The following LSAMP variants were observed in gnomAD, a reference collection of about 807,000 sequenced individuals.
The protein encoded by LSAMP is limbic system associated membrane protein, also known as limbic system-associated membrane protein.
A neutral mutation model predicts 38.6 loss-of-function variants in LSAMP; 7 were observed. The ratio of observed to expected loss-of-function variants is 0.18; its 90% CI spans 0.10 to 0.34. The LOEUF (loss-of-function observed/expected upper bound fraction) is 0.34. Ranked by LOEUF, LSAMP falls within the 10% of genes least tolerant of loss-of-function variation. The pLI is 1.00. For missense variants in LSAMP, 313 were observed against 420.0 expected, an observed-to-expected ratio of 0.75 and a Z score of 2.23; for synonymous variants, 154 against 166.8, an observed-to-expected ratio of 0.92 and a Z score of 0.59.
chr3:116,262,088 C>A (rs1197772319), intron 1 of LSAMP, among the ~76,000 whole-genome samples: 1 of 151,914 alleles, frequency 6.6e-6, no homozygotes, highest in African/African-American at 2.4e-5. Flanking sequence ...ATTTTGTTTT[C>A]ATTTTTCCAA....
At chr3:115,854,275 TATTA>T (rs1212677866) in intron 3 of LSAMP, among the ~76,000 whole-genome samples, 4 of 120,222 alleles carry the variant, frequency 3.3e-5, no homozygotes, top group Admixed American at 8.4e-5. Context: ...TTATTATTAT[TATTA>T]TTATTTTTTT....
chr3:115,905,721 C>T (rs772760903), intron 3 of LSAMP, among the ~76,000 whole-genome samples: 2 of 151,994 alleles, frequency 1.3e-5, no homozygotes, highest in Non-Finnish European at 2.9e-5. Context: ...CTTATAAGGC[C>T]GATAAAAGAT....
intron 1 of LSAMP, among the ~76,000 whole-genome samples, chr3:116,126,194 A>T (rs1709004895): frequency 6.6e-6 from 1 of 152,208 alleles, no homozygotes; most frequent in Non-Finnish European, 1.5e-5. Context: ...AAACATCTGG[A>T]CCTCACACTG....
intron 1 of LSAMP, among the ~76,000 whole-genome samples, chr3:116,153,249 C>G (rs945722954): frequency 2.0e-5 from 3 of 152,060 alleles, no homozygotes; most frequent in African/African-American, 7.2e-5. Context: ...CCCCTATTAT[C>G]TTTTGGCTCA....
chr3:116,239,486 G>T (rs182880994), intron 1 of LSAMP, among the ~76,000 whole-genome samples: 1 of 152,128 alleles, frequency 6.6e-6, no homozygotes, highest in Non-Finnish European at 1.5e-5. Context: ...CCTGAACAGT[G>T]TTTGTAAGAC....
intron 1 of LSAMP, among the ~76,000 whole-genome samples, chr3:116,202,411 A>G (rs941938253): frequency 2.6e-5 from 4 of 151,754 alleles, no homozygotes; most frequent in African/African-American, 9.7e-5. Context: ...TGGGATTACA[A>G]GTGTGAGCCA....
chr3:116,392,475 C>T (rs780887801), intron 1 of LSAMP, among the ~76,000 whole-genome samples: 3 of 152,222 alleles, frequency 2.0e-5, no homozygotes, highest in Admixed American at 6.5e-5. Context: ...CAGCTCCCTG[C>T]CACCTCAGCC....
At chr3:116,166,707 A>C (rs1313254139) in intron 1 of LSAMP, among the ~76,000 whole-genome samples, 1 of 152,138 alleles carries the variant, frequency 6.6e-6, no homozygotes, top group Non-Finnish European at 1.5e-5. Context: ...ATCCATTTGC[A>C]GAATTTTATG....
chr3:116,269,568 A>AATTCTGTTCTG (rs2046942267), intron 1 of LSAMP, among the ~76,000 whole-genome samples: 1 of 151,948 alleles, frequency 6.6e-6, no homozygotes, highest in Non-Finnish European at 1.5e-5. Context: ...ATTCTGTTCT[A>AATTCTGTTCTG]TATTCAAGCT....
intron 1 of LSAMP, among the ~76,000 whole-genome samples, chr3:116,221,150 C>CAAA (rs71141862): frequency 9.4e-5 from 5 of 53,184 alleles, no homozygotes; most frequent in Non-Finnish European, 1.3e-4. Flanking sequence ...GACTCTGTCT[C>CAAA]AAAAAAAAAA....
intron 1 of LSAMP, among the ~76,000 whole-genome samples, chr3:116,151,506 A>G (rs1205431517): frequency 6.6e-6 from 1 of 152,054 alleles, no homozygotes; most frequent in South Asian, 2.1e-4. Context: ...GGGAGGCCAG[A>G]TACCTTTCTG....
At chr3:116,283,240 A>G (rs1404779062) in intron 1 of LSAMP, among the ~76,000 whole-genome samples, 2 of 152,210 alleles carry the variant, frequency 1.3e-5, no homozygotes, top group African/African-American at 4.8e-5. Context: ...GAAAGGAGGA[A>G]AAGTACCTAT....
intron 1 of LSAMP, among the ~76,000 whole-genome samples, chr3:116,322,017 A>T (rs1467545565): frequency 6.6e-6 from 1 of 152,224 alleles, no homozygotes; most frequent in African/African-American, 2.4e-5. Flanking sequence ...GTTCAAGGAA[A>T]ACATGGTATT....
At chr3:115,877,630 A>G (rs1197131322) in intron 3 of LSAMP, among the ~76,000 whole-genome samples, 1 of 152,148 alleles carries the variant, frequency 6.6e-6, no homozygotes, top group Non-Finnish European at 1.5e-5. Context: ...TACTAGAAGC[A>G]GAGGAAAGTT....
At position 116,132,550 on chromosome 3, in the gene LSAMP, G is replaced by C. The variant is rs75402367; in HGVS notation, c.156-45994C>G. On this transcript the variant is annotated intron_variant, in intron 1 of 6. Coordinates refer to ENST00000490035, the MANE Select transcript of LSAMP (RefSeq NM_002338.5). ...AATATAATCTTCCACCACATAACAT[G>C]TTTCTCGTGAACTTCTCATGAATGA... 3.8e-3 allele frequency among the ~76,000 whole-genome samples: 577 copies of C among 152,278 alleles called. 2 individuals carry two copies. Among genetic ancestry groups the C allele is most frequent in the Non-Finnish European group, 6.4e-3 (432 of 68,024 alleles).
chr3:116,241,704 A>T (rs2046536995), intron 1 of LSAMP, among the ~76,000 whole-genome samples: 1 of 152,190 alleles, frequency 6.6e-6, no homozygotes, highest in South Asian at 2.1e-4. Flanking sequence ...TTATTTCCCC[A>T]GTTTGCTAGC....
At chr3:116,202,336 G>A (rs772380244) in intron 1 of LSAMP, among the ~76,000 whole-genome samples, 23 of 152,016 alleles carry the variant, frequency 1.5e-4, no homozygotes, top group African/African-American at 7.2e-5. Context: ...GTTTCACCAT[G>A]TTGGCCAGGC....
At chr3:116,170,817 A>G (rs1710179007) in intron 1 of LSAMP, among the ~76,000 whole-genome samples, 1 of 152,128 alleles carries the variant, frequency 6.6e-6, no homozygotes, top group African/African-American at 2.4e-5. Context: ...ATTATCTCAC[A>G]TAATAAGAGG....
intron 1 of LSAMP, among the ~76,000 whole-genome samples, chr3:116,389,304 A>T (rs1200594028): frequency 5.3e-5 from 8 of 152,100 alleles, no homozygotes; most frequent in African/African-American, 1.2e-4. Context: ...ATTTTTTTTT[A>T]AAAGGTGCTA....
Sources: allele counts gnomAD v4.1 joint callset (sites outside exome capture counted in the v4.1 genomes callset), GRCh38; gene constraint gnomAD v4.1.1; transcripts MANE v1.5; gene names NCBI Gene and HGNC (gene_info 2026-07-23, HGNC 2026-07-21).